ABHD12B: variants seen among roughly 807,000 people sequenced by gnomAD.
ABHD12B encodes the protein protein ABHD12B.
ABHD12B carries 42 observed loss-of-function variants against 50.4 expected under a neutral mutation model. The ratio of observed to expected loss-of-function variants is 0.83; its 90% CI spans 0.65 to 1.08. The LOEUF is 1.08. Ranked by LOEUF, ABHD12B falls within the 50% of genes least tolerant of loss-of-function variation. The probability of loss-of-function intolerance (pLI) is 0.00; values close to 1 mark genes in which losing one functional copy is unlikely to be tolerated. For synonymous variants in ABHD12B, 167 were observed against 160.3 expected (o/e 1.04, Z -0.32); for missense variants, 479 against 447.7 (o/e 1.07, Z -0.63).
At position 50,872,232 on chromosome 14, in the gene ABHD12B, C is replaced by G. The variant is rs1373210828; in HGVS notation, c.58C>G (p.Arg20Gly). The G allele has an allele frequency of 5.0e-6, 7 of 1,395,010 alleles. No homozygotes were observed. In the South Asian group the frequency reaches 9.2e-5, roughly 18 times the overall value. The allele number at this position is 1,395,010 out of a possible 1,614,324, so 86.4% of individuals were successfully genotyped here. ...ASPEPPGPPA[R>G]SCVAAWWDMV... ...GCCCGAGCCGCCCGGGCCCCCAGCCCGTAGCTGCGTGGCCGCCTGGTGGGA... is the reference window on the plus strand; with the variant it reads ...GCCCGAGCCGCCCGGGCCCCCAGCCGGTAGCTGCGTGGCCGCCTGGTGGGA... Residue 20 changes from arginine (R) to glycine (G), a missense_variant, in exon 1 of 13, where the codon CGT (arginine) becomes GGT (glycine). By Grantham distance (125) the Arg-to-Gly change is moderately radical. Coordinates refer to ENST00000337334, the MANE Select transcript of ABHD12B (RefSeq NM_001206673.2).
chr14:50,872,238 T>C lies in ABHD12B; in HGVS notation c.64T>C (p.Cys22Arg). Residue 22 changes from cysteine (C) to arginine (R), a missense_variant, in exon 1 of 13, where the codon TGC becomes CGC. By Grantham distance (180) the Cys-to-Arg change is radical. Transcript: ENST00000337334. ...PEPPGPPARSCVAAWWDMVDR... is the reference protein window; with the variant it reads ...PEPPGPPARSRVAAWWDMVDR... ...GCCGCCCGGGCCCCCAGCCCGTAGC[T>C]GCGTGGCCGCCTGGTGGGACATGGT... The C allele has an allele frequency of 7.2e-7, 1 of 1,394,610 alleles. No homozygotes were observed. Among genetic ancestry groups the C allele is most frequent in the Non-Finnish European group, 9.3e-7 (1 of 1,071,342 alleles). The allele number at this position is 1,394,610 out of a possible 1,614,324, so 86.4% of individuals were successfully genotyped here.
At chr14:50,873,719 T>G (rs1262717227) in intron 1 of ABHD12B, among the ~76,000 whole-genome samples, 2 of 152,156 alleles carry the variant, frequency 1.3e-5, no homozygotes, top group African/African-American at 4.8e-5. Flanking sequence ...ACATCTAATG[T>G]TTTTCACTTT....
chr14:50,882,382 T>TTTTTTTTTTTTTTTTTTTTG (rs1321823420), intron 5 of ABHD12B, among the ~76,000 whole-genome samples: 1 of 132,594 alleles, frequency 7.5e-6, no homozygotes, highest in African/African-American at 3.0e-5. Flanking sequence ...GCTTTTTTTT[T>TTTTTTTTTTTTTTTTTTTTG]TTTTTTTTTT....
chr14:50,877,113 C>T (rs1185754108), intron 1 of ABHD12B, among the ~76,000 whole-genome samples: 4 of 152,132 alleles, frequency 2.6e-5, no homozygotes, highest in African/African-American at 7.2e-5. Context: ...GATGTGCATG[C>T]GCCCATCCCA....
At chr14:50,902,344 C>T (rs551627996) in intron 10 of ABHD12B, among the ~76,000 whole-genome samples, 3 of 152,098 alleles carry the variant, frequency 2.0e-5, no homozygotes, top group Non-Finnish European at 2.9e-5. Context: ...ATTAGCCAGG[C>T]GTGGGGGCAC....
chr14:50,882,912 A>T (rs984960864), intron 5 of ABHD12B, among the ~76,000 whole-genome samples: 17 of 149,598 alleles, frequency 1.1e-4, no homozygotes, highest in African/African-American at 4.2e-4. Flanking sequence ...TTGAGGCTGC[A>T]ATAAGCTAGG....
intron 6 of ABHD12B, 44 bp from the exon 7 acceptor site, chr14:50,885,722 A>G: frequency 6.2e-7 from 1 of 1,614,170 alleles, no homozygotes; most frequent in Non-Finnish European, 8.5e-7. Context: ...ATGACCCCTC[A>G]TTTTGAAGGC....
intron 9 of ABHD12B, among the ~76,000 whole-genome samples, chr14:50,895,131 AGCAACCCTGAGAC>A (rs2050179560): frequency 6.7e-6 from 1 of 150,166 alleles, no homozygotes; most frequent in East Asian, 1.9e-4. Context: ...CGTGTTTGGC[AGCAACCCTGAGAC>A]ACTTTACAGC....
chr14:50,872,197 CGG>C lies in ABHD12B; in HGVS notation c.24_25del (p.Ala9ArgfsTer12). 7.3e-7 allele frequency: 1 copy of C among 1,366,940 alleles called. No homozygotes were observed. The highest frequency in any genetic ancestry group is 9.4e-7 in the Non-Finnish European group (1 of 1,058,204). 84.7% of individuals were successfully genotyped at this position (1,366,940 alleles called of 1,614,324 possible). On this transcript the variant is annotated frameshift_variant, in exon 1 of 13. Transcript: ENST00000337334. LOFTEE classifies it high-confidence loss of function. The stretch of plus-strand genomic sequence containing the variant: ...GGGATGGACGCGCAGGACTGCCAGG[CGG>C]CCGCATCGCCCGAGCCGCCCGGGCC...
chr14:50,901,588 A>G (rs993321824), intron 9 of ABHD12B, among the ~76,000 whole-genome samples: 1 of 152,238 alleles, frequency 6.6e-6, no homozygotes, highest in East Asian at 1.9e-4. Flanking sequence ...GTGAAAACAA[A>G]ATGTTAACAA....
At chr14:50,894,629 T>A (rs939556922) in intron 9 of ABHD12B, among the ~76,000 whole-genome samples, 27 of 152,174 alleles carry the variant, frequency 1.8e-4, no homozygotes, top group East Asian at 1.5e-3. Context: ...AATTTTTCCA[T>A]CCTGCAAGAT....
Position 50,904,298 on chromosome 14 carries a change from T to C in ABHD12B, c.1062-41T>C, listed in dbSNP as rs1309732034. 47 of 1,613,880 alleles carry C rather than the reference T, an allele frequency of 2.9e-5. No individual in the cohort carries two copies. In the Admixed American group the frequency reaches 5.2e-4, roughly 18 times the overall value. On this transcript the variant is annotated intron_variant, in intron 12 of 12. Coordinates refer to ENST00000337334, the MANE Select transcript of ABHD12B (RefSeq NM_001206673.2). ...ATGTATAATATTTTGCTTATTTAGGTAGGGAAAGGGTGTGAGCTGATCTGG... is the reference window on the plus strand; with the variant it reads ...ATGTATAATATTTTGCTTATTTAGGCAGGGAAAGGGTGTGAGCTGATCTGG...
intron 9 of ABHD12B, chr14:50,895,634 A>T (rs1191050348): frequency 1.3e-5 from 2 of 152,256 alleles, no homozygotes; most frequent in Admixed American, 6.5e-5. Context: ...TTCTCGGCTT[A>T]GCGGCTGAAG....
rs538102565 is a variant in ABHD12B, at chr14:50,872,893, C to T, written c.104+615C>T. ...GTCTGAAATGTATCAGTGGGTGTTT[C>T]GGGTTTTGTTTCTGTTTTCTTCCTC... On this transcript the variant is annotated intron_variant, in intron 1 of 12. Transcript: ENST00000337334. Among the ~76,000 whole-genome samples, 18 of 152,228 alleles carry T rather than the reference C, an allele frequency of 1.2e-4. No homozygotes were observed. In the South Asian group the frequency reaches 3.3e-3, roughly 28 times the overall value.
At chr14:50,892,684 C>A in intron 9 of ABHD12B, 2 of 777,370 alleles carry the variant, frequency 2.6e-6, no homozygotes, top group Non-Finnish European at 3.1e-6. Context: ...CTCATATGTT[C>A]TTTGGATTTA....
rs186226043 is a variant in ABHD12B at position 50,880,623 on chromosome 14, G to A, written c.455+52G>A. ...TTTTCAGGAGATTGAGAGCATTTCA[G>A]CCCCATGGGGGAATGAAGGACAGGG... is the stretch of plus-strand genomic sequence containing the variant. On this transcript the variant is annotated intron_variant, in intron 4 of 12. Transcript: ENST00000337334. 2.8e-4 allele frequency: 418 copies of A among 1,478,832 alleles called. 2 individuals are homozygous for A. Among genetic ancestry groups the A allele is most frequent in the Non-Finnish European group, 2.2e-5 (24 of 1,108,318 alleles). 91.6% of individuals were successfully genotyped at this position (1,478,832 alleles called of 1,614,324 possible). A position where few individuals can be genotyped will look rare whatever the true frequency, so the allele number is the denominator to read the frequency against.
chr14:50,881,429 AT>A (rs150141062), intron 4 of ABHD12B, among the ~76,000 whole-genome samples, 166 bp from the exon 5 acceptor site: 539 of 141,086 alleles, frequency 3.8e-3, no homozygotes, highest in Middle Eastern at 3.8e-3. Context: ...GAAACCCAGC[AT>A]TTTTTTTTTT....
At chr14:50,882,162 G>A (rs527896418) in intron 5 of ABHD12B, among the ~76,000 whole-genome samples, 2 of 150,442 alleles carry the variant, frequency 1.3e-5, no homozygotes, top group East Asian at 4.0e-4. Flanking sequence ...TCTTGAACTC[G>A]TGATCTCAGG....
At chr14:50,903,983 T>G in intron 11 of ABHD12B, 91 bp from the exon 12 acceptor site, 1 of 1,023,042 alleles carries the variant, frequency 9.8e-7, no homozygotes, top group Admixed American at 2.2e-5. Context: ...CTCCCCAAGT[T>G]AGCTGTTTCT....
Sources: gnomAD v4.1 joint callset for allele counts (sites outside exome capture counted in the v4.1 genomes callset) on GRCh38, gnomAD v4.1.1 for gene constraint, MANE v1.5 for transcripts, NCBI Gene and HGNC (gene_info 2026-07-23, HGNC 2026-07-21) for gene names.